Variants in SECTM1 observed in about 807,000 individuals in gnomAD.
SECTM1 encodes the protein secreted and transmembrane 1.
SECTM1 carries 10 observed loss-of-function variants against 18.1 expected under a neutral mutation model. The observed-to-expected ratio is 0.55, with a 90% CI of 0.34 to 0.94. The LOEUF (loss-of-function observed/expected upper bound fraction) is 0.94. Ranked by LOEUF, SECTM1 falls within the 40% of genes least tolerant of loss-of-function variation. SECTM1 has a pLI of 0.02. For missense variants in SECTM1, 297 were observed against 322.6 expected, an observed-to-expected ratio of 0.92 and a Z score of 0.61; for synonymous variants, 137 against 139.2, an observed-to-expected ratio of 0.98 and a Z score of 0.11.
chr17:82,324,517 G>GCCCCCCCCCCC, intron 3 of SECTM1, 65 bp downstream of exon 3: 1 of 604,114 alleles, frequency 1.7e-6, no homozygotes, highest in African/African-American at 1.9e-5. Context: ...CCCTGCCCAG[G>GCCCCCCCCCCC]CCCCCTCCCC....
In SECTM1 at chr17:82,331,399, G is replaced by C. The variant is rs913416964; in HGVS notation, c.-53+2301C>G. Among the ~76,000 whole-genome samples the C allele has an allele frequency of 1.3e-4, 20 of 152,138 alleles. 1 individual carries two copies. Among genetic ancestry groups the C allele is most frequent in the South Asian group, 8.3e-4 (4 of 4,822 alleles). ...CGACTTTGGGTTGCTGTGGGAATTT[G>C]CTCCGTTTATCAGAAGAAAACGCAC... On this transcript the variant is annotated intron_variant, in intron 1 of 4. Coordinates refer to ENST00000269389, the MANE Select transcript of SECTM1 (RefSeq NM_003004.3).
chr17:82,327,257 G>T lies in SECTM1; in HGVS notation c.-17C>A, dbSNP rs1392765991. 2 of 1,590,382 alleles carry T rather than the reference G, an allele frequency of 1.3e-6. No homozygotes were observed. The highest frequency in any genetic ancestry group is 2.7e-5 in the African/African-American group (2 of 74,454). Reference sequence around the variant, plus strand: ...GGTCTGCATGGCTGGTGGGACTTGGGCCCCTGGTCCTTGTCACTGGCTCTT... The same window carrying T: ...GGTCTGCATGGCTGGTGGGACTTGGTCCCCTGGTCCTTGTCACTGGCTCTT... On this transcript the variant is annotated 5_prime_UTR_variant, in exon 2 of 5. Coordinates refer to ENST00000269389, the MANE Select transcript of SECTM1 (RefSeq NM_003004.3).
chr17:82,324,818 T>G lies in SECTM1; in HGVS notation c.167A>C (p.Asn56Thr). 1 of 1,614,110 alleles carries G rather than the reference T, an allele frequency of 6.2e-7. No individual in the cohort carries two copies. The highest frequency in any genetic ancestry group is 1.1e-5 in the South Asian group (1 of 91,078). ...SWGENTVMSC[N>T]ISNAFSHVNI... The stretch of plus-strand genomic sequence containing the variant: ...GACATGGGAGAAGGCGTTGGAGATG[T>G]TGCAGGACATGACGGTGTTCTCGCC... The change falls in exon 3 of 5, where the codon AAC (asparagine) becomes ACC (threonine). Residue 56 changes from asparagine to threonine, a missense_variant. By Grantham distance (65) the Asn-to-Thr change is moderately conservative. Transcript: ENST00000269389.
At chr17:82,332,043 G>A (rs539179983) in intron 1 of SECTM1, among the ~76,000 whole-genome samples, 35 of 152,200 alleles carry the variant, frequency 2.3e-4, no homozygotes, top group African/African-American at 7.0e-4. Context: ...TTGGGAGGCT[G>A]AGGCAGGAGA....
chr17:82,330,713 C>G lies in SECTM1; in HGVS notation c.-53+2987G>C, dbSNP rs888128786. Among the ~76,000 whole-genome samples the G allele has an allele frequency of 6.6e-6, 1 of 152,086 alleles. No homozygotes were observed. The highest frequency in any genetic ancestry group is 1.5e-5 in the Non-Finnish European group (1 of 67,996). On this transcript the variant is annotated intron_variant, in intron 1 of 4. Transcript: ENST00000269389. This position sits in a 1 kb window ranked among gnomAD's most constrained non-coding sequence, Gnocchi z 6.1. ...TCTGCTCTCGGGGGCTACAGCTGCT[C>G]CTAGATGCCTCTGCCACCGAGGGTG...
At chr17:82,324,532 CGTG>C in intron 3 of SECTM1, 47 bp downstream of exon 3, 1 of 1,079,960 alleles carries the variant, frequency 9.3e-7, no homozygotes, top group South Asian at 1.7e-5. Flanking sequence ...CTCCCCTCCC[CGTG>C]TCCCCTCTCA....
rs117573329 is a variant in SECTM1, at chr17:82,326,927, G to A, written c.94+220C>T. Among the ~76,000 whole-genome samples, 3,702 of 142,672 alleles carry A rather than the reference G, an allele frequency of 0.026. 106 individuals carry two copies. Among genetic ancestry groups the A allele is most frequent in the African/African-American group, 0.051 (1,875 of 36,868 alleles). The allele number at this position is 142,672 out of a possible 152,430, so 93.6% of individuals were successfully genotyped here. A position where few individuals can be genotyped will look rare whatever the true frequency, so the allele number is the denominator to read the frequency against. On this transcript the variant is annotated intron_variant, in intron 2 of 4. Coordinates refer to ENST00000269389, the MANE Select transcript of SECTM1 (RefSeq NM_003004.3). The surrounding 1 kb of genome is among the most constrained non-coding windows in gnomAD (Gnocchi z 4.3). Reference sequence around the variant, plus strand: ...CCGCCCTCCACCCACGGCGGGACACGGCCCACTCACCACCACCCTCCACCC... The same window carrying A: ...CCGCCCTCCACCCACGGCGGGACACAGCCCACTCACCACCACCCTCCACCC...
At chr17:82,322,418 C>G (rs1232119663) in intron 4 of SECTM1, 48 bp from the exon 5 acceptor site, 2 of 1,564,356 alleles carry the variant, frequency 1.3e-6, no homozygotes, top group African/African-American at 1.4e-5. Context: ...CGCCCCCGTG[C>G]CCACAGCTCT....
Position 82,322,317 on chromosome 17 carries a change from T to C in SECTM1, c.591A>G (p.Gly197=). Residue 197 remains glycine, a synonymous_variant, in exon 5 of 5, where the codon GGA becomes GGG. Transcript: ENST00000269389. ...PQMKVAALRA[G]AQQGLSRASA... ...AGGCTCTGCTCAGGCCCTGCTGGGC[T>C]CCCGCTCTGAGGGCTGCGACCTTCA... The C allele has an allele frequency of 6.2e-7, 1 of 1,613,434 alleles. No individual in the cohort carries two copies. The highest frequency in any genetic ancestry group is 8.5e-7 in the Non-Finnish European group (1 of 1,179,664).
rs1288582188 is a variant in SECTM1 at position 82,327,278 on chromosome 17, C to T, written c.-38G>A. The T allele has an allele frequency of 6.5e-7, 1 of 1,537,522 alleles. No homozygotes were observed. Among genetic ancestry groups the T allele is most frequent in the Admixed American group, 1.9e-5 (1 of 53,180 alleles). On this transcript the variant is annotated 5_prime_UTR_variant, in exon 2 of 5. Transcript: ENST00000269389. ...TTGGGCCCCTGGTCCTTGTCACTGGCTCTTGAAACACTCCCTGGAGGAAGG... is the reference window on the plus strand; with the variant it reads ...TTGGGCCCCTGGTCCTTGTCACTGGTTCTTGAAACACTCCCTGGAGGAAGG...
Position 82,322,008 on chromosome 17 carries a change from T to C in SECTM1, c.*153A>G, listed in dbSNP as rs529806586. On this transcript the variant is annotated 3_prime_UTR_variant, in exon 5 of 5. Transcript: ENST00000269389. The stretch of plus-strand genomic sequence containing the variant: ...AGACCTGGGGGGTGGAGGGGAAGGG[T>C]CTGCACGCACCCAGGAGTGGGTGAC... 555 of 657,330 alleles carry C rather than the reference T, an allele frequency of 8.4e-4. 4 individuals carry two copies. The African/African-American group carries it at 9.1e-3, about 11-fold the overall frequency. 40.7% of individuals were successfully genotyped at this position (657,330 alleles called of 1,614,324 possible).
intron 3 of SECTM1, chr17:82,323,319 G>A (rs748861142): frequency 1.9e-5 from 7 of 358,974 alleles, no homozygotes; most frequent in Non-Finnish European, 3.6e-5. Flanking sequence ...TCGGGGTTCT[G>A]GGGAAGAGAT....
Position 82,321,048 on chromosome 17 carries a change from C to T in SECTM1, c.*1113G>A, listed in dbSNP as rs534737411. 6.6e-6 allele frequency: 1 copy of T among 152,292 alleles called. No homozygotes were observed. The highest frequency in any genetic ancestry group is 1.9e-4 in the East Asian group (1 of 5,182). The allele number at this position is 152,292 out of a possible 1,614,324, so 9.4% of individuals were successfully genotyped here. ...GTCTGACCCAGCACGCGGACGGAAC[C>T]TTATTTTAACCCGAGACACAAACGC... is the stretch of plus-strand genomic sequence containing the variant. On this transcript the variant is annotated 3_prime_UTR_variant, in exon 5 of 5. Transcript: ENST00000269389.
chr17:82,333,412 A>G lies in SECTM1; in HGVS notation c.-53+288T>C, dbSNP rs552133568. On this transcript the variant is annotated intron_variant, in intron 1 of 4. Transcript: ENST00000269389. ...ACCGGCCGGCAGCTCGTTCCCGCCC[A>G]TACTCGGGTACGCCCGCTGCGACCC... 3.9e-5 allele frequency among the ~76,000 whole-genome samples: 6 copies of G among 152,072 alleles called. No individual in the cohort carries two copies. The East Asian group carries it at 1.2e-3, about 30-fold the overall frequency.
rs984353143 is a variant in SECTM1, at chr17:82,330,981, G to A, written c.-53+2719C>T. On this transcript the variant is annotated intron_variant, in intron 1 of 4. Transcript: ENST00000269389. This position sits in a 1 kb window ranked among gnomAD's most constrained non-coding sequence, Gnocchi z 6.1. ...GGCGGCCGCTGCTTCTCACACGCGG[G>A]TCCTCTCACTGCCTCTCCCCGGTCC... Among the ~76,000 whole-genome samples, 1 of 152,156 alleles carries A rather than the reference G, an allele frequency of 6.6e-6. No homozygotes were observed.
chr17:82,322,969 A>C lies in SECTM1; in HGVS notation c.446T>G (p.Val149Gly), dbSNP rs1436657585. 6.2e-7 allele frequency: 1 copy of C among 1,613,798 alleles called. No homozygotes were observed. The highest frequency in any genetic ancestry group is 2.2e-5 in the East Asian group (1 of 44,874). Residue 149 changes from valine to glycine, a missense_variant, in exon 4 of 5, where the codon GTG (valine) becomes GGG (glycine). Coordinates refer to ENST00000269389, the MANE Select transcript of SECTM1 (RefSeq NM_003004.3). ...GAAGACAGCAGTGACCACCGCTGGC[A>C]CAGGCCAGAACCCAGTGTCGGGGGC... is the stretch of plus-strand genomic sequence containing the variant. ...QSAPDTGFWP[V>G]PAVVTAVFIL...
chr17:82,323,247 AAACATCTACC>A lies in SECTM1; in HGVS notation c.404-246_404-237del, dbSNP rs1323604938. The A allele has an allele frequency of 4.0e-5, 22 of 547,468 alleles. No individual in the cohort carries two copies. The South Asian group carries it at 4.6e-4, about 11-fold the overall frequency. The allele number at this position is 547,468 out of a possible 1,614,324, so 33.9% of individuals were successfully genotyped here. On this transcript the variant is annotated intron_variant, in intron 3 of 4. Transcript: ENST00000269389. Reference sequence around the variant, plus strand: ...CGCAGGTGTGTCGGGGCAGCGAGGGAAACATCTACCCCTGGATGTGCCAGGTCCCAGGAGC... The same window carrying A: ...CGCAGGTGTGTCGGGGCAGCGAGGGACCTGGATGTGCCAGGTCCCAGGAGC...
intron 1 of SECTM1, among the ~76,000 whole-genome samples, 164 bp from the exon 2 acceptor site, chr17:82,327,456 G>A (rs1567844647): frequency 6.6e-6 from 1 of 152,218 alleles, no homozygotes; most frequent in Non-Finnish European, 1.5e-5. Flanking sequence ...CCCTGTGCCT[G>A]TAGAGGGTGT....
At position 82,330,715 on chromosome 17, in the gene SECTM1, T is replaced by G. The variant is rs1258258525; in HGVS notation, c.-53+2985A>C. Among the ~76,000 whole-genome samples the G allele has an allele frequency of 6.6e-6, 1 of 152,008 alleles. No homozygotes were observed. The highest frequency in any genetic ancestry group is 1.5e-5 in the Non-Finnish European group (1 of 67,964). On this transcript the variant is annotated intron_variant, in intron 1 of 4. Transcript: ENST00000269389. This position sits in a 1 kb window ranked among gnomAD's most constrained non-coding sequence, Gnocchi z 6.1. ...TGCTCTCGGGGGCTACAGCTGCTCC[T>G]AGATGCCTCTGCCACCGAGGGTGGA... is the stretch of plus-strand genomic sequence containing the variant.
Sources: gnomAD v4.1 joint callset for allele counts (sites outside exome capture counted in the v4.1 genomes callset) on GRCh38, gnomAD v4.1.1 for gene constraint, Gnocchi (gnomAD v3.1) non-coding constraint, MANE v1.5 for transcripts, NCBI Gene and HGNC (gene_info 2026-07-23, HGNC 2026-07-21) for gene names.